The following TEN1 variants were observed in gnomAD, a reference collection of about 807,000 sequenced individuals.
TEN1 encodes CST complex subunit TEN1.
In TEN1, 6 loss-of-function variants were observed where a neutral mutation model predicts 9.3. That is an observed-to-expected ratio of 0.65 (90% CI 0.35 to 1.27). TEN1 has a LOEUF of 1.27. TEN1 is among the 50% of genes most tolerant of loss of function. The pLI is 0.03. For synonymous variants in TEN1, 65 were observed against 65.6 expected, an observed-to-expected ratio of 0.99 and a Z score of 0.04; for missense variants, 149 against 158.2, an observed-to-expected ratio of 0.94 and a Z score of 0.31.
chr17:75,991,727 CA>C (rs1244821617), intron 3 of TEN1, 104 bp downstream of exon 3: 1 of 1,327,776 alleles, frequency 7.5e-7, no homozygotes, highest in African/African-American at 1.5e-5. Context: ...AGCAATGTCT[CA>C]TCAGGGTTAA....
rs897932074 is a variant in TEN1, at chr17:75,999,913, G to T, written c.251-228G>T. Among the ~76,000 whole-genome samples the T allele has an allele frequency of 1.6e-4, 25 of 152,048 alleles. 1 individual carries two copies. ...GGGGCCTTTCCCTCAGTCCAGAGGG[G>T]TTTTCTGACCACCTGCTAAGTTCCA... On this transcript the variant is annotated intron_variant, in intron 3 of 3. Coordinates refer to ENST00000397640, the MANE Select transcript of TEN1 (RefSeq NM_001113324.3).
At chr17:75,989,668 C>T (rs1453404683) in intron 2 of TEN1, among the ~76,000 whole-genome samples, 1 of 152,136 alleles carries the variant, frequency 6.6e-6, no homozygotes, top group Non-Finnish European at 1.5e-5. Flanking sequence ...CTGCCTCAGC[C>T]TACCAAAGTG....
intron 3 of TEN1, among the ~76,000 whole-genome samples, chr17:75,992,716 A>G (rs2066193777): frequency 6.7e-6 from 1 of 149,058 alleles, no homozygotes; most frequent in South Asian, 2.1e-4. Flanking sequence ...GTTTCACCGT[A>G]TTAGCCAGGA....
intron 3 of TEN1, among the ~76,000 whole-genome samples, chr17:75,994,935 G>A (rs2066209994): frequency 6.6e-6 from 1 of 152,124 alleles, no homozygotes; most frequent in Admixed American, 6.6e-5. Context: ...AAACCTCCCT[G>A]TGAAAACCAA....
intron 3 of TEN1, among the ~76,000 whole-genome samples, chr17:75,997,215 G>A (rs1374066751): frequency 6.6e-6 from 1 of 152,004 alleles, no homozygotes; most frequent in Non-Finnish European, 1.5e-5. Flanking sequence ...CAAGACCCCA[G>A]CCTCCACCCT....
intron 3 of TEN1, among the ~76,000 whole-genome samples, chr17:75,997,618 C>A (rs903455885): frequency 6.6e-6 from 1 of 152,120 alleles, no homozygotes; most frequent in Non-Finnish European, 1.5e-5. Flanking sequence ...TCTTCCCTGT[C>A]CACATATAAG....
At chr17:75,988,754 G>A (rs2066167648) in intron 2 of TEN1, among the ~76,000 whole-genome samples, 1 of 151,770 alleles carries the variant, frequency 6.6e-6, no homozygotes, top group Non-Finnish European at 1.5e-5. Flanking sequence ...TGGTGATATT[G>A]CATCATTTAC....
At chr17:75,987,815 G>T (rs1159706412) in intron 2 of TEN1, among the ~76,000 whole-genome samples, 2 of 151,280 alleles carry the variant, frequency 1.3e-5, no homozygotes, top group Admixed American at 6.6e-5. Flanking sequence ...TACTCAGGAG[G>T]CTGAGGCAGG....
intron 3 of TEN1, among the ~76,000 whole-genome samples, chr17:75,998,286 G>T (rs779611672): frequency 7.3e-5 from 11 of 149,842 alleles, no homozygotes; most frequent in Non-Finnish European, 7.4e-5. Context: ...TCGTGCCTCA[G>T]CCTCCCAAGT....
chr17:75,980,124 C>G (rs1044821334), intron 1 of TEN1, among the ~76,000 whole-genome samples: 5 of 152,044 alleles, frequency 3.3e-5, no homozygotes, highest in East Asian at 1.9e-4. Context: ...ATCACTTGAG[C>G]CCAGGAGTTC....
chr17:75,989,887 G>A (rs148758987), intron 2 of TEN1, among the ~76,000 whole-genome samples: 134 of 150,940 alleles, frequency 8.9e-4, no homozygotes, highest in African/African-American at 3.1e-3. Context: ...GACCACAGGC[G>A]TGCACCACTG....
In TEN1 at chr17:75,999,033, C is replaced by T. The variant is rs373019638; in HGVS notation, c.251-1108C>T. 3.5e-4 allele frequency among the ~76,000 whole-genome samples: 53 copies of T among 150,518 alleles called. 1 individual carries two copies. Among genetic ancestry groups the T allele is most frequent in the Admixed American group, 6.0e-4 (9 of 15,100 alleles). On this transcript the variant is annotated intron_variant, in intron 3 of 3. Coordinates refer to ENST00000397640, the MANE Select transcript of TEN1 (RefSeq NM_001113324.3). The stretch of plus-strand genomic sequence containing the variant: ...TTTTTTTTTCTCTTGCAAGCTATGA[C>T]TGGGGAAAAAAGAAAGAAAAAAAAA...
intron 3 of TEN1, among the ~76,000 whole-genome samples, chr17:75,994,580 C>T (rs1011107914): frequency 4.6e-5 from 7 of 151,726 alleles, no homozygotes; most frequent in African/African-American, 9.7e-5. Flanking sequence ...CAGGTTCAAG[C>T]GATTCTCCTG....
rs933280497 is a variant in TEN1, at chr17:76,000,340, G to C, written c.*78G>C. On this transcript the variant is annotated 3_prime_UTR_variant, in exon 4 of 4. Coordinates refer to ENST00000397640, the MANE Select transcript of TEN1 (RefSeq NM_001113324.3). This position sits in a 1 kb window ranked among gnomAD's most constrained non-coding sequence, Gnocchi z 5.9. ...AGCTGCAGGAGCCCGGGAGAGCACA[G>C]ACGCCTCCCCAGCGACGGCCTTGTC... 1 of 1,474,518 alleles carries C rather than the reference G, an allele frequency of 6.8e-7. No individual in the cohort carries two copies. Among genetic ancestry groups the C allele is most frequent in the Non-Finnish European group, 9.0e-7 (1 of 1,106,188 alleles). The allele number at this position is 1,474,518 out of a possible 1,614,324, so 91.3% of individuals were successfully genotyped here. A position where few individuals can be genotyped will look rare whatever the true frequency, so the allele number is the denominator to read the frequency against.
At chr17:75,998,901 A>G (rs773187720) in intron 3 of TEN1, among the ~76,000 whole-genome samples, 30 of 151,876 alleles carry the variant, frequency 2.0e-4, no homozygotes, top group Non-Finnish European at 3.8e-4. Flanking sequence ...GTGTTGGCCA[A>G]GCTGGTCATG....
At chr17:75,990,960 G>A (rs888964762) in intron 2 of TEN1, among the ~76,000 whole-genome samples, 7 of 151,512 alleles carry the variant, frequency 4.6e-5, no homozygotes, top group Non-Finnish European at 1.0e-4. Flanking sequence ...GACCAGCCTG[G>A]ACAATATGGT....
intron 3 of TEN1, among the ~76,000 whole-genome samples, chr17:75,999,049 GA>G (rs573531289): frequency 3.2e-3 from 467 of 147,628 alleles, no homozygotes; most frequent in South Asian, 6.8e-3. Context: ...AAAAAAGAAA[GA>G]AAAAAAAAAT....
chr17:75,986,066 C>A, intron 1 of TEN1, 121 bp from the exon 2 acceptor site: 2 of 760,774 alleles, frequency 2.6e-6, no homozygotes, highest in Non-Finnish European at 2.0e-6. Context: ...AATTTTAAAA[C>A]ACTGCCTACT....
chr17:75,997,522 C>T (rs558438869), intron 3 of TEN1, among the ~76,000 whole-genome samples: 1 of 152,116 alleles, frequency 6.6e-6, no homozygotes, highest in African/African-American at 2.4e-5. Flanking sequence ...GGCCACCGAC[C>T]ATCAGACACT....
Sources: gnomAD v4.1 joint callset for allele counts (sites outside exome capture counted in the v4.1 genomes callset) on GRCh38, gnomAD v4.1.1 for gene constraint, Gnocchi (gnomAD v3.1) non-coding constraint, MANE v1.5 for transcripts, NCBI Gene and HGNC (gene_info 2026-07-23, HGNC 2026-07-21) for gene names.